SYT16: variants seen among roughly 807,000 people sequenced by gnomAD.
SYT16 encodes synaptotagmin-16.
SYT16 carries 42 observed loss-of-function variants against 61.4 expected under a neutral mutation model. That is an observed-to-expected ratio of 0.68 (90% confidence interval 0.53 to 0.89). SYT16 has a LOEUF of 0.89. SYT16 is among the 40% of genes least tolerant of loss of function. The pLI, the probability that SYT16 is intolerant of heterozygous loss-of-function variation, is 0.00. For synonymous variants in SYT16, 314 were observed against 302.3 expected, an observed-to-expected ratio of 1.04 and a Z score of -0.40; for missense variants, 804 against 807.3, an observed-to-expected ratio of 1.00 and a Z score of 0.05.
chr14:61,892,199 C>A (rs1009981393), intron 1 of SYT16, among the ~76,000 whole-genome samples: 5 of 152,030 alleles, frequency 3.3e-5, no homozygotes, highest in African/African-American at 1.2e-4. Flanking sequence ...CGCATCTTTC[C>A]CCTGACCCTC....
chr14:62,015,439 AT>A (rs761404541), intron 3 of SYT16, among the ~76,000 whole-genome samples: 12 of 98,436 alleles, frequency 1.2e-4, no homozygotes, highest in Admixed American at 3.5e-4. Flanking sequence ...AGTTCTTAAC[AT>A]TTTTGACAGT....
At position 61,857,178 on chromosome 14, in the gene SYT16, G is replaced by A. The variant is rs570702020; in HGVS notation, c.-325+44368G>A. Among the ~76,000 whole-genome samples, 3 of 152,294 alleles carry A rather than the reference G, an allele frequency of 2.0e-5. No individual in the cohort carries two copies. In the South Asian group the frequency reaches 6.2e-4, roughly 32 times the overall value. On this transcript the variant is annotated intron_variant, in intron 1 of 7. Transcript: ENST00000683842. The stretch of plus-strand genomic sequence containing the variant: ...CAGCTCCACTGAGACATCTAAGAAG[G>A]ATGTAAAGCGCCAGCCACAATTTTC...
At chr14:62,089,206 C>G (rs1471817808) in intron 7 of SYT16, among the ~76,000 whole-genome samples, 1 of 151,786 alleles carries the variant, frequency 6.6e-6, no homozygotes, top group African/African-American at 2.4e-5. Context: ...GTAATCCCAG[C>G]TACTTAGGAG....
Position 62,084,324 on chromosome 14 carries a change from A to T in SYT16, c.1563A>T (p.Arg521=), listed in dbSNP as rs1159721734. Reference sequence around the variant, plus strand: ...TCTCGTACAATGCCACAACGGGGCGATTATCTGTGGAAATGATCAAAGGCA... The same window carrying T: ...TCTCGTACAATGCCACAACGGGGCGTTTATCTGTGGAAATGATCAAAGGCA... ...VGLSYNATTG[R]LSVEMIKGSH... The change falls in exon 7 of 8, where the codon CGA becomes CGT. Residue 521 remains arginine, a synonymous_variant. Transcript: ENST00000683842. 1.9e-6 allele frequency: 3 copies of T among 1,613,364 alleles called. No individual in the cohort carries two copies. The African/African-American group carries it at 4.0e-5, about 22-fold the overall frequency.
chr14:61,943,004 AAG>A (rs1377086004), intron 1 of SYT16, among the ~76,000 whole-genome samples: 2 of 152,208 alleles, frequency 1.3e-5, no homozygotes, highest in African/African-American at 4.8e-5. Context: ...TAAAGAAGAA[AAG>A]AGAGAAGAAT....
chr14:61,858,879 G>T (rs1220558410), intron 1 of SYT16, among the ~76,000 whole-genome samples: 11 of 149,132 alleles, frequency 7.4e-5, no homozygotes, highest in Admixed American at 4.0e-4. Flanking sequence ...TTTTGAGACG[G>T]AGTCTCACTC....
At chr14:61,902,837 C>T (rs748648307) in intron 1 of SYT16, among the ~76,000 whole-genome samples, 5 of 152,192 alleles carry the variant, frequency 3.3e-5, no homozygotes, top group East Asian at 3.9e-4. Context: ...TTGGTTTCCC[C>T]TTACAAAGCC....
chr14:61,895,113 G>A (rs1328773680), intron 1 of SYT16, among the ~76,000 whole-genome samples: 1 of 152,176 alleles, frequency 6.6e-6, no homozygotes, highest in Non-Finnish European at 1.5e-5. Flanking sequence ...ATCGTTAATG[G>A]CATTATATCA....
chr14:62,034,674 T>C (rs1160149731), intron 3 of SYT16, among the ~76,000 whole-genome samples: 1 of 151,960 alleles, frequency 6.6e-6, no homozygotes, highest in African/African-American at 2.4e-5. Context: ...AGGAAGTAGA[T>C]TATGCTGACT....
intron 1 of SYT16, among the ~76,000 whole-genome samples, chr14:61,850,144 T>G (rs1343574769): frequency 6.6e-6 from 1 of 151,992 alleles, no homozygotes; most frequent in Non-Finnish European, 1.5e-5. Flanking sequence ...CTTTTTCTTT[T>G]TTTTTTTGAG....
intron 1 of SYT16, among the ~76,000 whole-genome samples, chr14:61,921,997 T>A (rs987988633): frequency 6.6e-6 from 1 of 152,202 alleles, no homozygotes; most frequent in Non-Finnish European, 1.5e-5. Context: ...AGGGTTCTTA[T>A]GTCTAAAATG....
Position 61,895,072 on chromosome 14 carries a change from G to A in SYT16, c.-324-75060G>A, listed in dbSNP as rs114793306. Among the ~76,000 whole-genome samples the A allele has an allele frequency of 4.6e-3, 699 of 152,122 alleles. 4 individuals are homozygous for A. The highest frequency in any genetic ancestry group is 0.016 in the African/African-American group (655 of 41,482). On this transcript the variant is annotated intron_variant, in intron 1 of 7. Transcript: ENST00000683842. ...AGTGCAGAACGGCAGAAACAACGGG[G>A]GCTCTAGAAACCTCATTTTTGGAAG...
chr14:62,078,977 A>T (rs983090166), intron 5 of SYT16, among the ~76,000 whole-genome samples: 18 of 152,216 alleles, frequency 1.2e-4, no homozygotes, highest in African/African-American at 3.6e-4. Context: ...TATAGTCTGT[A>T]AAGGATTTGA....
chr14:61,828,023 C>T (rs143495687), intron 1 of SYT16, among the ~76,000 whole-genome samples: 132 of 152,230 alleles, frequency 8.7e-4, no homozygotes, highest in African/African-American at 3.0e-3. Flanking sequence ...GTCATTAGAG[C>T]GAGCCCCAAT....
chr14:62,047,184 C>G (rs1361890732), intron 3 of SYT16, among the ~76,000 whole-genome samples: 1 of 152,112 alleles, frequency 6.6e-6, no homozygotes, highest in African/African-American at 2.4e-5. Context: ...TGAAGAGGTC[C>G]TTCACATCCC....
At chr14:61,941,602 C>G (rs181165065) in intron 1 of SYT16, among the ~76,000 whole-genome samples, 2 of 152,292 alleles carry the variant, frequency 1.3e-5, no homozygotes, top group Admixed American at 1.3e-4. Flanking sequence ...TCTATCTTCC[C>G]TTGCCCCAGC....
At chr14:61,941,224 G>A (rs537413204) in intron 1 of SYT16, among the ~76,000 whole-genome samples, 158 of 152,196 alleles carry the variant, frequency 1.0e-3, no homozygotes, top group African/African-American at 3.7e-3. Flanking sequence ...TGGGTCAGCC[G>A]CTGCCAGGAC....
At chr14:62,055,366 G>A (rs931082438) in intron 3 of SYT16, among the ~76,000 whole-genome samples, 2 of 152,228 alleles carry the variant, frequency 1.3e-5, no homozygotes, top group Non-Finnish European at 2.9e-5. Context: ...TCTTTTTGCA[G>A]TGATGAAACA....
At chr14:61,889,457 A>C (rs948937642) in intron 1 of SYT16, among the ~76,000 whole-genome samples, 9 of 152,160 alleles carry the variant, frequency 5.9e-5, no homozygotes, top group Admixed American at 6.5e-5. Context: ...CGTTTGGGTC[A>C]AGGGAATGGA....
Sources: gnomAD v4.1 joint callset for allele counts (sites outside exome capture counted in the v4.1 genomes callset) on GRCh38, gnomAD v4.1.1 for gene constraint, MANE v1.5 for transcripts, NCBI Gene and HGNC (gene_info 2026-07-23, HGNC 2026-07-21) for gene names.